The following SLC12A9 variants were observed in gnomAD, a reference collection of about 807,000 sequenced individuals.
SLC12A9 encodes the protein CCC-interacting protein 1.
In SLC12A9, 55 loss-of-function variants were observed where a neutral mutation model predicts 66.0. The ratio of observed to expected loss-of-function variants is 0.83; its 90% confidence interval spans 0.67 to 1.04. The LOEUF (loss-of-function observed/expected upper bound fraction) is 1.04, where lower values mean the gene tolerates loss of function less well. SLC12A9 is among the 50% of genes least tolerant of loss of function. SLC12A9 has a pLI of 0.00. For synonymous variants in SLC12A9, 577 were observed against 569.0 expected (o/e 1.01, Z -0.20); for missense variants, 1,061 against 1,241.9 (o/e 0.85, Z 2.19).
Position 100,866,512 on chromosome 7 carries a change from C to A in SLC12A9, c.2652C>A (p.Pro884=). Residue 884 remains proline, a synonymous_variant, in exon 14 of 14, where the codon CCC becomes CCA. Transcript: ENST00000354161. This position sits in a 1 kb window ranked among gnomAD's most constrained non-coding sequence, Gnocchi z 7.3. ...PRPPADPARY[P]RYLALLETLT... is the part of the protein sequence containing the mutation. ...CGCCAGCCGATCCCGCCCGATACCCCCGCTACCTGGCGCTACTGGAGACTC... is the reference window on the plus strand; with the variant it reads ...CGCCAGCCGATCCCGCCCGATACCCACGCTACCTGGCGCTACTGGAGACTC... The A allele has an allele frequency of 1.3e-6, 2 of 1,569,662 alleles. No individual in the cohort carries two copies. The highest frequency in any genetic ancestry group is 2.3e-5 in the East Asian group (1 of 42,770).
At chr7:100,835,446 T>G (rs1813634049) in intron 1 of SLC12A9, among the ~76,000 whole-genome samples, 1 of 150,948 alleles carries the variant, frequency 6.6e-6, no homozygotes, top group Non-Finnish European at 1.5e-5. Flanking sequence ...GGTCAAGAGA[T>G]CGAGACCATC....
Position 100,866,697 on chromosome 7 carries a change from G to A in SLC12A9, c.*92G>A, listed in dbSNP as rs1033843140. 5.2e-6 allele frequency: 7 copies of A among 1,338,584 alleles called. No homozygotes were observed. Among genetic ancestry groups the A allele is most frequent in the African/African-American group, 4.5e-5 (3 of 66,488 alleles). The allele number at this position is 1,338,584 out of a possible 1,614,324, so 82.9% of individuals were successfully genotyped here. A position where few individuals can be genotyped will look rare whatever the true frequency, so the allele number is the denominator to read the frequency against. ...GAGGAAGAGGAGGCCACTGTGGCCCGTGGCCCTGCCCTTGGGACGTGGAGC... is the reference window on the plus strand; with the variant it reads ...GAGGAAGAGGAGGCCACTGTGGCCCATGGCCCTGCCCTTGGGACGTGGAGC... On this transcript the variant is annotated 3_prime_UTR_variant, in exon 14 of 14. Coordinates refer to ENST00000354161, the MANE Select transcript of SLC12A9 (RefSeq NM_020246.4). The surrounding 1 kb of genome is among the most constrained non-coding windows in gnomAD (Gnocchi z 7.3).
chr7:100,865,018 C>G (rs1376836438), intron 13 of SLC12A9, among the ~76,000 whole-genome samples: 1 of 151,870 alleles, frequency 6.6e-6, no homozygotes, highest in African/African-American at 2.4e-5. Context: ...AGTGCAGTGG[C>G]GTGATCTCGG....
chr7:100,832,001 G>C (rs1191033952), intron 1 of SLC12A9, among the ~76,000 whole-genome samples: 2 of 152,208 alleles, frequency 1.3e-5, no homozygotes, highest in African/African-American at 4.8e-5. Flanking sequence ...AAAGGAATTT[G>C]ATAGAGTTTT....
Position 100,866,174 on chromosome 7 carries a change from C to A in SLC12A9, c.2314C>A (p.Leu772Met). 3 of 1,612,482 alleles carry A rather than the reference C, an allele frequency of 1.9e-6. No individual in the cohort carries two copies. Among genetic ancestry groups the A allele is most frequent in the Non-Finnish European group, 2.5e-6 (3 of 1,179,674 alleles). ...CGCCCGGCTCCGGATCTTCCTGTGC[C>A]TGGGGCCTCGGGAGGCGCCTGGGGC... ...HSARLRIFLCLGPREAPGAAE... is the reference protein window; with the variant it reads ...HSARLRIFLCMGPREAPGAAE... Residue 772 changes from leucine to methionine, a missense_variant, in exon 14 of 14, where the codon CTG (leucine) becomes ATG (methionine). Coordinates refer to ENST00000354161, the MANE Select transcript of SLC12A9 (RefSeq NM_020246.4). The surrounding 1 kb of genome is among the most constrained non-coding windows in gnomAD (Gnocchi z 7.3).
At chr7:100,852,109 G>A (rs903601754), upstream of SLC12A9, among the ~76,000 whole-genome samples, 3 of 152,174 alleles carry the variant, frequency 2.0e-5, no homozygotes, top group Non-Finnish European at 4.4e-5. Flanking sequence ...TAGGCTCTAG[G>A]ATTTCTGCTG....
chr7:100,864,966 C>A (rs1016039803), intron 13 of SLC12A9, among the ~76,000 whole-genome samples: 2 of 150,654 alleles, frequency 1.3e-5, no homozygotes, highest in African/African-American at 2.4e-5. Flanking sequence ...TTCTTTTTTT[C>A]TTTTTTTTTG....
rs781598398 is a variant in SLC12A9, at chr7:100,861,961, AC to A, written c.1711+52del. ...CTCACTCCCATCCTTCTCTCCCCCTACCTTTTTTTTTTTTTTGAGATGGAGC... is the reference window on the plus strand; with the variant it reads ...CTCACTCCCATCCTTCTCTCCCCCTACTTTTTTTTTTTTTTGAGATGGAGC... On this transcript the variant is annotated intron_variant, in intron 12 of 13. Coordinates refer to ENST00000354161, the MANE Select transcript of SLC12A9 (RefSeq NM_020246.4). The surrounding 1 kb of genome is among the most constrained non-coding windows in gnomAD (Gnocchi z 5.3). 4 of 1,373,934 alleles carry A rather than the reference AC, an allele frequency of 2.9e-6. No individual in the cohort carries two copies. Among genetic ancestry groups the A allele is most frequent in the South Asian group, 1.5e-5 (1 of 65,168 alleles). The allele number at this position is 1,373,934 out of a possible 1,614,324, so 85.1% of individuals were successfully genotyped here.
intron 1 of SLC12A9, among the ~76,000 whole-genome samples, chr7:100,834,641 G>T (rs1191549890): frequency 1.3e-5 from 2 of 152,054 alleles, no homozygotes; most frequent in Non-Finnish European, 1.5e-5. Context: ...CCAGCATTTG[G>T]GAGGACGCAG....
chr7:100,848,842 T>C (rs918764141), upstream of SLC12A9, among the ~76,000 whole-genome samples: 6 of 151,284 alleles, frequency 4.0e-5, no homozygotes, highest in Non-Finnish European at 5.9e-5. Context: ...GCCGAGATCG[T>C]GCCACTGCAC....
chr7:100,861,287 C>T lies in SLC12A9; in HGVS notation c.1343+25C>T. The T allele has an allele frequency of 6.2e-7, 1 of 1,614,036 alleles. No homozygotes were observed. The highest frequency in any genetic ancestry group is 8.5e-7 in the Non-Finnish European group (1 of 1,179,928). ...GGTGAGAGACTCAGATCTGTGTCCCCAGAGAGAAGAAGGGAGGACTCGGGC... is the reference window on the plus strand; with the variant it reads ...GGTGAGAGACTCAGATCTGTGTCCCTAGAGAGAAGAAGGGAGGACTCGGGC... On this transcript the variant is annotated intron_variant, in intron 10 of 13. Transcript: ENST00000354161. The surrounding 1 kb of genome is among the most constrained non-coding windows in gnomAD (Gnocchi z 5.3).
At position 100,859,902 on chromosome 7, in the gene SLC12A9, A is replaced by C; in HGVS notation, c.995A>C (p.Asp332Ala). 6.2e-7 allele frequency: 1 copy of C among 1,603,156 alleles called. No homozygotes were observed. Among genetic ancestry groups the C allele is most frequent in the Non-Finnish European group, 8.5e-7 (1 of 1,170,768 alleles). The change falls in exon 8 of 14, where the codon GAC (aspartate) becomes GCC (alanine). Residue 332 changes from aspartate (D) to alanine (A), a missense_variant. Physicochemically the swap from Asp to Ala is moderately radical, Grantham distance 126. Transcript: ENST00000354161. ...CTTCCTAGGACCCTGCTGCAGGAAG[A>C]CTATGGGTTCTTCCGCGCCATCAGC... is the stretch of plus-strand genomic sequence containing the variant. ...FTCDRTLLQE[D>A]YGFFRAISLW... is the part of the protein sequence containing the mutation.
At chr7:100,844,889 A>G (rs1469235988) in intron 1 of SLC12A9, among the ~76,000 whole-genome samples, 3 of 152,174 alleles carry the variant, frequency 2.0e-5, no homozygotes, top group Admixed American at 2.0e-4. Flanking sequence ...AATTCCAGGA[A>G]AAACAAGAAA....
chr7:100,831,443 C>T (rs922163634), intron 1 of SLC12A9, among the ~76,000 whole-genome samples: 1 of 151,946 alleles, frequency 6.6e-6, no homozygotes, highest in African/African-American at 2.4e-5. Context: ...GCCTTGGCCT[C>T]CCAAAGTGCT....
chr7:100,831,389 T>G (rs1313803415), intron 1 of SLC12A9, among the ~76,000 whole-genome samples: 1 of 152,220 alleles, frequency 6.6e-6, no homozygotes, highest in Non-Finnish European at 1.5e-5. Flanking sequence ...TTTCTCCATG[T>G]TGGTCAGGCT....
At chr7:100,840,942 C>T (rs1294937734) in intron 1 of SLC12A9, among the ~76,000 whole-genome samples, 1 of 151,516 alleles carries the variant, frequency 6.6e-6, no homozygotes, top group South Asian at 2.1e-4. Context: ...CAGTGACCCG[C>T]GGATGGCCCA....
Position 100,865,156 on chromosome 7 carries a change from C to T in SLC12A9, c.1859-563C>T, listed in dbSNP as rs570529798. The T allele has an allele frequency of 1.2e-5, 13 of 1,052,540 alleles. No individual in the cohort carries two copies. In the South Asian group the frequency reaches 1.4e-4, roughly 11 times the overall value. 65.2% of individuals were successfully genotyped at this position (1,052,540 alleles called of 1,614,324 possible). On this transcript the variant is annotated intron_variant, in intron 13 of 13. Coordinates refer to ENST00000354161, the MANE Select transcript of SLC12A9 (RefSeq NM_020246.4). ...TATTTTTAGTAGAGATAGCATTTCACCGTATTGGCCAGGCTGGTCTCAAAC... is the reference window on the plus strand; with the variant it reads ...TATTTTTAGTAGAGATAGCATTTCATCGTATTGGCCAGGCTGGTCTCAAAC...
intron 12 of SLC12A9, 134 bp downstream of exon 12, chr7:100,862,045 C>T: frequency 3.3e-6 from 3 of 906,120 alleles, no homozygotes; most frequent in South Asian, 1.8e-5. Context: ...CTGCAACCTC[C>T]ACCTCCCAGG....
chr7:100,837,851 ATTTTTTTTTT>A (rs11285489), intron 1 of SLC12A9, among the ~76,000 whole-genome samples: 150 of 79,650 alleles, frequency 1.9e-3, no homozygotes, highest in African/African-American at 7.6e-3. Context: ...ATTTATTTCA[ATTTTTTTTTT>A]TTTTTTTTTT....
Sources: gnomAD v4.1 joint callset for allele counts (sites outside exome capture counted in the v4.1 genomes callset) on GRCh38, gnomAD v4.1.1 for gene constraint, Gnocchi (gnomAD v3.1) non-coding constraint, MANE v1.5 for transcripts, NCBI Gene and HGNC (gene_info 2026-07-23, HGNC 2026-07-21) for gene names.